The following NCOA2 variants were observed in gnomAD, a reference collection of about 807,000 sequenced individuals.
NCOA2 encodes the protein class E basic helix-loop-helix protein 75.
A neutral mutation model predicts 145.1 loss-of-function variants in NCOA2; 21 were observed. That is an observed-to-expected ratio of 0.14 (90% CI 0.10 to 0.21). The LOEUF (loss-of-function observed/expected upper bound fraction) is 0.21, where lower values mean the gene tolerates loss of function less well. Ranked by LOEUF, NCOA2 falls within the 10% of genes least tolerant of loss-of-function variation. The pLI, the probability that NCOA2 is intolerant of heterozygous loss-of-function variation, is 1.00. For missense variants in NCOA2, 1,472 were observed against 1,837.6 expected (o/e 0.80, Z 3.64); for synonymous variants, 619 against 637.5 (o/e 0.97, Z 0.44).
intron 2 of NCOA2, among the ~76,000 whole-genome samples, chr8:70,284,854 A>AGGGAGAG (rs71275061): frequency 0.1 from 15,890 of 152,010 alleles, 1,259 homozygotes; most frequent in East Asian, 0.4. Context: ...AGAAGGGAGA[A>AGGGAGAG]GGGAGAGGGG....
At chr8:70,442,163 G>GAAAGAAAGAAAGAAAGAA in the NCOA2 span, among the ~76,000 whole-genome samples, 23 of 141,574 alleles carry the variant, frequency 1.6e-4, no homozygotes, top group East Asian at 4.3e-3. Context: ...AAGAAAGAAA[G>GAAAGAAAGAAAGAAAGAA]AGAAAGGCTG....
chr8:70,377,894 C>G (rs1220751840), intron 1 of NCOA2, among the ~76,000 whole-genome samples: 1 of 152,064 alleles, frequency 6.6e-6, no homozygotes, highest in African/African-American at 2.4e-5. Context: ...AAGGAAATGA[C>G]AAGTCTGATA....
intron 2 of NCOA2, among the ~76,000 whole-genome samples, chr8:70,234,925 A>ATCTGAT (rs1203847666): frequency 6.6e-6 from 1 of 152,196 alleles, no homozygotes; most frequent in East Asian, 1.9e-4. Context: ...GATAAAAACC[A>ATCTGAT]TCTGATTTTC....
chr8:70,377,489 A>G (rs1811787959), intron 1 of NCOA2, among the ~76,000 whole-genome samples: 1 of 152,176 alleles, frequency 6.6e-6, no homozygotes, highest in Non-Finnish European at 1.5e-5. Flanking sequence ...ATCTTTAATC[A>G]GTTTGGCAAT....
chr8:70,208,753 T>C (rs895648955), intron 4 of NCOA2, among the ~76,000 whole-genome samples: 2 of 152,242 alleles, frequency 1.3e-5, no homozygotes, highest in South Asian at 2.1e-4. Context: ...TATGGTTTAC[T>C]GACTATTTTA....
chr8:70,421,366 C>T, the NCOA2 span, among the ~76,000 whole-genome samples: 4 of 151,964 alleles, frequency 2.6e-5, no homozygotes, highest in Non-Finnish European at 5.9e-5. Context: ...GCCTGGGAAA[C>T]ATAGCGAGAC....
upstream of NCOA2, among the ~76,000 whole-genome samples, chr8:70,407,331 T>A (rs1274470747): frequency 6.6e-6 from 1 of 152,364 alleles, no homozygotes; most frequent in East Asian, 1.9e-4. Context: ...AATTTTTTCC[T>A]TACTGAAGTA....
chr8:70,415,399 AGAT>A, the NCOA2 span, among the ~76,000 whole-genome samples: 2 of 152,184 alleles, frequency 1.3e-5, no homozygotes, highest in African/African-American at 4.8e-5. Context: ...AATTTACAGC[AGAT>A]GCGGCCCATA....
chr8:70,359,206 T>C (rs968932727), intron 1 of NCOA2, among the ~76,000 whole-genome samples: 5 of 152,188 alleles, frequency 3.3e-5, no homozygotes, highest in Non-Finnish European at 5.9e-5. Context: ...AATTACCATA[T>C]AACCCAGCAA....
chr8:70,130,242 T>A (rs1318927031), intron 16 of NCOA2, among the ~76,000 whole-genome samples: 2 of 152,222 alleles, frequency 1.3e-5, no homozygotes, highest in African/African-American at 4.8e-5. Flanking sequence ...ATTCTATACT[T>A]CCCTCAATTC....
intron 22 of NCOA2, among the ~76,000 whole-genome samples, chr8:70,120,231 A>T (rs895684674): frequency 7.2e-5 from 11 of 152,190 alleles, no homozygotes; most frequent in African/African-American, 1.7e-4. Context: ...AGGATTTTTT[A>T]AAAAAGAGCT....
the NCOA2 span, among the ~76,000 whole-genome samples, chr8:70,418,852 AC>A: frequency 6.6e-6 from 1 of 152,216 alleles, no homozygotes; most frequent in South Asian, 2.1e-4. Context: ...AAAATCTAGT[AC>A]TATATTTGCA....
At chr8:70,402,311 C>G (rs767168555) in intron 1 of NCOA2, 1 of 152,352 alleles carries the variant, frequency 6.6e-6, no homozygotes, top group Non-Finnish European at 1.5e-5. Flanking sequence ...GGAAGGTGTT[C>G]AGGCTCGGTC....
intron 4 of NCOA2, among the ~76,000 whole-genome samples, chr8:70,186,393 T>G (rs1816073044): frequency 6.6e-6 from 1 of 152,196 alleles, no homozygotes; most frequent in South Asian, 2.1e-4. Flanking sequence ...CCTGACCAGC[T>G]AATCTCAGAA....
chr8:70,448,119 A>G, the NCOA2 span, among the ~76,000 whole-genome samples: 6 of 151,704 alleles, frequency 4.0e-5, no homozygotes, highest in Non-Finnish European at 8.9e-5. Context: ...CTTGGAGCTT[A>G]TAAAGTCTCC....
intron 21 of NCOA2, among the ~76,000 whole-genome samples, chr8:70,121,672 C>T (rs1807838403): frequency 6.6e-6 from 1 of 152,148 alleles, no homozygotes; most frequent in African/African-American, 2.4e-5. Flanking sequence ...AATAATAGAG[C>T]CATTTTTGTG....
intron 15 of NCOA2, among the ~76,000 whole-genome samples, chr8:70,133,568 A>G (rs1809400650): frequency 6.6e-6 from 1 of 152,176 alleles, no homozygotes; most frequent in South Asian, 2.1e-4. Flanking sequence ...CCTGAATACT[A>G]AAAGGGAAAA....
upstream of NCOA2, among the ~76,000 whole-genome samples, chr8:70,407,705 G>A (rs1431187078): frequency 6.6e-6 from 1 of 152,122 alleles, no homozygotes; most frequent in Non-Finnish European, 1.5e-5. Flanking sequence ...GCTGAGGCAG[G>A]AGAATTGTTT....
intron 1 of NCOA2, among the ~76,000 whole-genome samples, chr8:70,342,384 A>G (rs1808214755): frequency 6.6e-6 from 1 of 152,198 alleles, no homozygotes; most frequent in Admixed American, 6.5e-5. Context: ...TGAAGTTTTC[A>G]GAAAATTCAA....
Sources: allele counts gnomAD v4.1 joint callset (sites outside exome capture counted in the v4.1 genomes callset), GRCh38; gene constraint gnomAD v4.1.1; transcripts MANE v1.5; gene names NCBI Gene and HGNC (gene_info 2026-07-23, HGNC 2026-07-21).